The following UNC5D variants were observed in gnomAD, a reference collection of about 807,000 sequenced individuals.
UNC5D encodes netrin receptor UNC5D.
In UNC5D, 39 loss-of-function variants were observed where a neutral mutation model predicts 105.4. The ratio of observed to expected loss-of-function variants is 0.37; its 90% CI spans 0.29 to 0.48. The LOEUF (loss-of-function observed/expected upper bound fraction) is 0.48. Among genes scored for constraint, UNC5D ranks in the 20% least tolerant of loss-of-function variants. The pLI, the probability that UNC5D is intolerant of heterozygous loss-of-function variation, is 0.98. For missense variants in UNC5D, 991 were observed against 1,202.4 expected, an observed-to-expected ratio of 0.82 and a Z score of 2.60; for synonymous variants, 452 against 450.4, an observed-to-expected ratio of 1.00 and a Z score of -0.04.
At chr8:35,378,394 A>G (rs1371955507) in intron 1 of UNC5D, among the ~76,000 whole-genome samples, 1 of 152,206 alleles carries the variant, frequency 6.6e-6, no homozygotes, top group Non-Finnish European at 1.5e-5. Flanking sequence ...CTTGAAGAGC[A>G]AGTAGTGCAA....
chr8:35,490,953 T>G (rs1327227115), intron 1 of UNC5D, among the ~76,000 whole-genome samples: 3 of 152,162 alleles, frequency 2.0e-5, no homozygotes. Flanking sequence ...GGAATTCCTT[T>G]TCATCATTCC....
intron 1 of UNC5D, among the ~76,000 whole-genome samples, chr8:35,270,485 T>G (rs1021952361): frequency 3.3e-5 from 5 of 152,224 alleles, no homozygotes; most frequent in African/African-American, 7.2e-5. Flanking sequence ...AGTTAATTTT[T>G]AACCCTAGTT....
intron 1 of UNC5D, among the ~76,000 whole-genome samples, chr8:35,459,397 C>A (rs919194790): frequency 6.6e-6 from 1 of 152,072 alleles, no homozygotes; most frequent in African/African-American, 2.4e-5. Flanking sequence ...TTTTTGGCCC[C>A]ATTTTTCTTT....
intron 1 of UNC5D, among the ~76,000 whole-genome samples, chr8:35,334,721 C>T (rs1413245219): frequency 6.6e-6 from 1 of 151,988 alleles, no homozygotes; most frequent in East Asian, 1.9e-4. Flanking sequence ...ACCATGTTGG[C>T]AAGGATGGTC....
intron 8 of UNC5D, among the ~76,000 whole-genome samples, chr8:35,706,884 C>A (rs1827616662): frequency 6.6e-6 from 1 of 152,056 alleles, no homozygotes; most frequent in Non-Finnish European, 1.5e-5. Flanking sequence ...TAATATGTTC[C>A]CCAAGTCATT....
At chr8:35,731,269 T>C (rs1158843127) in intron 11 of UNC5D, among the ~76,000 whole-genome samples, 173 bp downstream of exon 11, 1 of 151,692 alleles carries the variant, frequency 6.6e-6, no homozygotes, top group Non-Finnish European at 1.5e-5. Context: ...GGCATGGTGA[T>C]GCATGCCTGT....
rs533100879 is a variant in UNC5D, at chr8:35,439,366, C to T, written c.104-109926C>T. ...CAGTTTCTCTGAGATCCATGTTTTC[C>T]CCTTTGGTGTTTGCTGCTCCTTGTT... is the stretch of plus-strand genomic sequence containing the variant. On this transcript the variant is annotated intron_variant, in intron 1 of 16. Coordinates refer to ENST00000404895, the MANE Select transcript of UNC5D (RefSeq NM_080872.4). 1.6e-4 allele frequency among the ~76,000 whole-genome samples: 24 copies of T among 152,066 alleles called. No homozygotes were observed. In the South Asian group the frequency reaches 4.4e-3, roughly 28 times the overall value.
At chr8:35,510,310 CAAAAA>C (rs11317897) in intron 1 of UNC5D, among the ~76,000 whole-genome samples, 2 of 71,880 alleles carry the variant, frequency 2.8e-5, no homozygotes, top group Non-Finnish European at 5.9e-5. Context: ...TTTTTATATC[CAAAAA>C]AAAAAAAAAA....
intron 1 of UNC5D, chr8:35,544,619 T>TG: frequency 2.3e-6 from 3 of 1,297,460 alleles, no homozygotes; most frequent in South Asian, 2.9e-5. Flanking sequence ...TTTTTTTTTT[T>TG]TGAGACAGAG....
In UNC5D at chr8:35,323,188, C is replaced by CT. The variant is rs67076001; in HGVS notation, c.103+87320dup. 7.8e-3 allele frequency among the ~76,000 whole-genome samples: 987 copies of CT among 125,828 alleles called. 8 individuals carry two copies. Among genetic ancestry groups the CT allele is most frequent in the Admixed American group, 0.014 (180 of 12,712 alleles). 82.5% of individuals were successfully genotyped at this position (125,828 alleles called of 152,430 possible). ...CTGTTTTTTTCTAATTTTTCTTTTT[C>CT]TTTTTTTTTTTTTTTTTTTCACATG... On this transcript the variant is annotated intron_variant, in intron 1 of 16. Transcript: ENST00000404895.
chr8:35,640,975 A>G (rs1377227515), intron 4 of UNC5D, among the ~76,000 whole-genome samples: 1 of 151,892 alleles, frequency 6.6e-6, no homozygotes, highest in Non-Finnish European at 1.5e-5. Context: ...ACTTCAGCCC[A>G]TTAGAGAACA....
Position 35,767,069 on chromosome 8 carries a change from G to A in UNC5D, c.2478+3G>A. On this transcript the variant is annotated splice_donor_region_variant and intron_variant, in intron 15 of 16. Coordinates refer to ENST00000404895, the MANE Select transcript of UNC5D (RefSeq NM_080872.4). ...AAGTGCAGACATCAATCCTAGAGGT[G>A]AGTCCTTGATCTACAGGTCATTTGA... 1.9e-6 allele frequency: 3 copies of A among 1,609,836 alleles called. No homozygotes were observed. Among genetic ancestry groups the A allele is most frequent in the Middle Eastern group, 3.3e-4 (2 of 6,036 alleles).
intron 1 of UNC5D, among the ~76,000 whole-genome samples, chr8:35,547,106 T>G (rs1196149115): frequency 6.6e-6 from 1 of 152,158 alleles, no homozygotes; most frequent in African/African-American, 2.4e-5. Context: ...CAAGTTACAT[T>G]TAAGTTTAAT....
intron 1 of UNC5D, among the ~76,000 whole-genome samples, chr8:35,329,437 A>G (rs1810437334): frequency 6.6e-6 from 1 of 151,648 alleles, no homozygotes; most frequent in African/African-American, 2.4e-5. Context: ...ATGGGGAAAA[A>G]AAAGGATAGA....
At chr8:35,308,112 A>ATGTGTG (rs374542443) in intron 1 of UNC5D, among the ~76,000 whole-genome samples, 34,293 of 147,164 alleles carry the variant, frequency 0.23, 4,727 homozygotes, top group Non-Finnish European at 0.31. Context: ...CTATGTCACA[A>ATGTGTG]TGTATGTGTG....
intron 1 of UNC5D, among the ~76,000 whole-genome samples, chr8:35,286,854 C>T (rs1486783830): frequency 6.6e-6 from 1 of 152,144 alleles, no homozygotes; most frequent in African/African-American, 2.4e-5. Context: ...AGCATGGGAG[C>T]CTGTCATACA....
intron 1 of UNC5D, among the ~76,000 whole-genome samples, chr8:35,380,584 G>T (rs1047083472): frequency 2.0e-5 from 3 of 151,964 alleles, no homozygotes; most frequent in Admixed American, 2.0e-4. Context: ...TATTAATATT[G>T]ATTATTCTTT....
intron 1 of UNC5D, among the ~76,000 whole-genome samples, chr8:35,409,327 A>G (rs1052651816): frequency 1.3e-5 from 2 of 152,092 alleles, no homozygotes; most frequent in Non-Finnish European, 2.9e-5. Context: ...AAGAGGCTGT[A>G]CCATATTTCA....
intron 1 of UNC5D, among the ~76,000 whole-genome samples, chr8:35,311,785 A>G (rs1808907422): frequency 6.6e-6 from 1 of 152,152 alleles, no homozygotes; most frequent in Non-Finnish European, 1.5e-5. Flanking sequence ...CCTAGAGACA[A>G]AGAGAACAGA....
Sources: allele counts gnomAD v4.1 joint callset (sites outside exome capture counted in the v4.1 genomes callset), GRCh38; gene constraint gnomAD v4.1.1; transcripts MANE v1.5; gene names NCBI Gene and HGNC (gene_info 2026-07-23, HGNC 2026-07-21).